Variants in RPH3AL observed in about 807,000 individuals in gnomAD.
The protein encoded by RPH3AL is rab effector Noc2.
Under a neutral mutation model 43.1 loss-of-function variants are expected in RPH3AL, and 38 were observed. The observed-to-expected ratio is 0.88, with a 90% CI of 0.68 to 1.15. The LOEUF (loss-of-function observed/expected upper bound fraction) is 1.15, where lower values mean the gene tolerates loss of function less well. Ranked by LOEUF, RPH3AL falls within the 50% of genes most tolerant of loss-of-function variation. RPH3AL has a pLI of 0.00. For missense variants in RPH3AL, 462 were observed against 423.2 expected, an observed-to-expected ratio of 1.09 and a Z score of -0.81; for synonymous variants, 189 against 176.3, an observed-to-expected ratio of 1.07 and a Z score of -0.57.
At chr17:302,429 G>C (rs2043351903) in intron 5 of RPH3AL, among the ~76,000 whole-genome samples, 1 of 152,234 alleles carries the variant, frequency 6.6e-6, no homozygotes, top group South Asian at 2.1e-4. Context: ...AGCCGTTGCA[G>C]GGAATGAACT....
rs147473081 is a variant in RPH3AL, at chr17:321,273, C to G, written c.220G>C (p.Gly74Arg). The G allele has an allele frequency of 3.1e-6, 5 of 1,606,566 alleles. No homozygotes were observed. The highest frequency in any genetic ancestry group is 4.2e-6 in the Non-Finnish European group (5 of 1,179,254). The change falls in exon 4 of 10, where the codon GGG (glycine) becomes CGG (arginine). Residue 74 changes from glycine to arginine, a missense_variant and splice_region_variant. Coordinates refer to ENST00000331302, the MANE Select transcript of RPH3AL (RefSeq NM_006987.4). ...GAGCTGGCCCCGGCCCCGCCTCACC[C>G]GATTCTCTGCTGCTCCAGGACGTCG... ...RLDVLEQQRI[G>R]RLVERLETMR...
chr17:316,187 G>C (rs1330024294), intron 5 of RPH3AL, among the ~76,000 whole-genome samples: 3 of 87,564 alleles, frequency 3.4e-5, no homozygotes, highest in Admixed American at 1.3e-4. Context: ...CACCTCCACT[G>C]ACCTGTAGTT....
At chr17:308,495 C>T (rs1387557227) in intron 5 of RPH3AL, among the ~76,000 whole-genome samples, 4 of 152,342 alleles carry the variant, frequency 2.6e-5, no homozygotes, top group South Asian at 2.1e-4. Context: ...GGGGTTTGCA[C>T]GCTCGTGCCC....
intron 5 of RPH3AL, among the ~76,000 whole-genome samples, chr17:305,034 G>C (rs1484195665): frequency 9.6e-5 from 8 of 83,612 alleles, no homozygotes; most frequent in Non-Finnish European, 1.2e-4. Flanking sequence ...GCGGGAGGGG[G>C]ACAGGGCGAG....
intron 7 of RPH3AL, chr17:234,361 A>C (rs112287520): frequency 3.2e-3 from 407 of 125,346 alleles, no homozygotes; most frequent in Middle Eastern, 8.5e-3. Context: ...GCGGCTACTT[A>C]CCCTGACCAA....
chr17:281,171 C>T (rs529368184), intron 6 of RPH3AL, among the ~76,000 whole-genome samples: 1 of 152,232 alleles, frequency 6.6e-6, no homozygotes, highest in Non-Finnish European at 1.5e-5. Context: ...GGAACTAGAA[C>T]CATAGAACTG....
chr17:337,726 C>T (rs908228876), intron 1 of RPH3AL, among the ~76,000 whole-genome samples: 2 of 152,262 alleles, frequency 1.3e-5, no homozygotes, highest in East Asian at 3.9e-4. Flanking sequence ...GACGAGGCAC[C>T]AGGCCCGTGC....
At chr17:295,052 G>A (rs1212602961) in intron 5 of RPH3AL, among the ~76,000 whole-genome samples, 12 of 124,996 alleles carry the variant, frequency 9.6e-5, no homozygotes, top group African/African-American at 3.4e-4. Flanking sequence ...AGAAATGGAC[G>A]GGCAGAGGGA....
intron 7 of RPH3AL, among the ~76,000 whole-genome samples, chr17:223,385 G>T (rs542847758): frequency 6.6e-6 from 1 of 152,148 alleles, no homozygotes; most frequent in Non-Finnish European, 1.5e-5. Flanking sequence ...TGGGACAGGA[G>T]TCATGGGCGC....
At chr17:253,307 T>C (rs1597942453) in intron 6 of RPH3AL, among the ~76,000 whole-genome samples, 1 of 152,078 alleles carries the variant, frequency 6.6e-6, no homozygotes, top group East Asian at 1.9e-4. Context: ...CAGGGTGACT[T>C]GGCAATGTGG....
At position 219,526 on chromosome 17, in the gene RPH3AL, C is replaced by CTTT. The variant is rs375837087; in HGVS notation, c.727+94_727+96dup. 2.2e-3 allele frequency: 325 copies of CTTT among 144,928 alleles called. 137 individuals carry two copies. Among genetic ancestry groups the CTTT allele is most frequent in the South Asian group, 3.2e-3 (37 of 11,690 alleles). The allele number at this position is 144,928 out of a possible 1,614,324, so 9.0% of individuals were successfully genotyped here. A position where few individuals can be genotyped will look rare whatever the true frequency, so the allele number is the denominator to read the frequency against. On this transcript the variant is annotated intron_variant, in intron 8 of 9. Coordinates refer to ENST00000331302, the MANE Select transcript of RPH3AL (RefSeq NM_006987.4). The stretch of plus-strand genomic sequence containing the variant: ...AGTTTCATTTCTTTTCTTTTTCTTC[C>CTTT]TTTTTTTTTTTTTTTTGAGATGGAG...
Position 215,588 on chromosome 17 carries a change from G to C in RPH3AL, c.876+66C>G, listed in dbSNP as rs565875119. 2.1e-4 allele frequency: 260 copies of C among 1,216,354 alleles called. No homozygotes were observed. In the African/African-American group the frequency reaches 3.6e-3, roughly 17 times the overall value. The allele number at this position is 1,216,354 out of a possible 1,614,324, so 75.3% of individuals were successfully genotyped here. On this transcript the variant is annotated intron_variant, in intron 9 of 9. Transcript: ENST00000331302. The surrounding 1 kb of genome is among the most constrained non-coding windows in gnomAD (Gnocchi z 4.1). ...CACCGACCAGTCTCCAGTTTGGGAG[G>C]AGTGAGTGAGAGAGGACACGGCCGC... is the stretch of plus-strand genomic sequence containing the variant.
At chr17:228,371 G>T (rs2041152357) in intron 7 of RPH3AL, among the ~76,000 whole-genome samples, 1 of 152,110 alleles carries the variant, frequency 6.6e-6, no homozygotes, top group Admixed American at 6.6e-5. Flanking sequence ...TGTGCTCAGG[G>T]GCTCGCCTGC....
intron 5 of RPH3AL, among the ~76,000 whole-genome samples, chr17:297,683 C>G (rs1172608064): frequency 1.3e-5 from 2 of 152,186 alleles, no homozygotes. Flanking sequence ...GCCTGATGCC[C>G]AAGACACTGA....
At chr17:300,608 AGCC>A (rs2043302708) in intron 5 of RPH3AL, among the ~76,000 whole-genome samples, 1 of 105,478 alleles carries the variant, frequency 9.5e-6, no homozygotes, top group African/African-American at 4.0e-5. Flanking sequence ...GGGCTGGCCC[AGCC>A]TAGACCTGCA....
rs367953478 is a variant in RPH3AL, at chr17:256,571, T to C, written c.439-9286A>G. Reference sequence around the variant, plus strand: ...TCCCTAGGAATGTGACTACCCTACGTACTTCCTATGAGGGGAGCCGCACGG... The same window carrying C: ...TCCCTAGGAATGTGACTACCCTACGCACTTCCTATGAGGGGAGCCGCACGG... On this transcript the variant is annotated intron_variant, in intron 6 of 9. Transcript: ENST00000331302. Among the ~76,000 whole-genome samples the C allele has an allele frequency of 3.9e-3, 2 of 508 alleles. 1 individual carries two copies. Among genetic ancestry groups the C allele is most frequent in the Admixed American group, 0.038 (2 of 52 alleles). The allele number at this position is 508 out of a possible 152,430, so 0.3% of individuals were successfully genotyped here. A position where few individuals can be genotyped will look rare whatever the true frequency, so the allele number is the denominator to read the frequency against.
chr17:258,998 A>C (rs1189330008), intron 6 of RPH3AL, among the ~76,000 whole-genome samples: 5 of 152,142 alleles, frequency 3.3e-5, no homozygotes, highest in Admixed American at 6.5e-5. Context: ...TATGCCCAGA[A>C]GGGGCAATAA....
chr17:262,591 G>A (rs1169816798), intron 6 of RPH3AL, among the ~76,000 whole-genome samples: 9 of 152,244 alleles, frequency 5.9e-5, no homozygotes, highest in African/African-American at 1.4e-4. Flanking sequence ...TTGGGAGGCC[G>A]AGGTGGGAGG....
intron 5 of RPH3AL, among the ~76,000 whole-genome samples, chr17:291,890 G>T (rs565024042): frequency 2.6e-5 from 4 of 152,278 alleles, no homozygotes; most frequent in African/African-American, 9.6e-5. Flanking sequence ...ATACACAGAG[G>T]ACAATCTAGA....
Sources: allele counts gnomAD v4.1 joint callset (sites outside exome capture counted in the v4.1 genomes callset), GRCh38; gene constraint gnomAD v4.1.1; non-coding constraint Gnocchi (gnomAD v3.1); transcripts MANE v1.5; gene names NCBI Gene and HGNC (gene_info 2026-07-23, HGNC 2026-07-21).